The following MRPL1 variants were observed in gnomAD, a reference collection of about 807,000 sequenced individuals.
MRPL1 encodes large ribosomal subunit protein uL1m.
MRPL1 carries 28 observed loss-of-function variants against 38.0 expected under a neutral mutation model. The ratio of observed to expected loss-of-function variants is 0.74; its 90% CI spans 0.55 to 1.01. The LOEUF (loss-of-function observed/expected upper bound fraction) is 1.01. MRPL1 is among the 50% of genes least tolerant of loss of function. The pLI, the probability that MRPL1 is intolerant of heterozygous loss-of-function variation, is 0.00. For synonymous variants in MRPL1, 123 were observed against 126.7 expected, an observed-to-expected ratio of 0.97 and a Z score of 0.20; for missense variants, 358 against 389.8, an observed-to-expected ratio of 0.92 and a Z score of 0.69.
chr4:77,939,849 T>G (rs1737076072), intron 7 of MRPL1, among the ~76,000 whole-genome samples: 1 of 152,212 alleles, frequency 6.6e-6, no homozygotes, highest in African/African-American at 2.4e-5. Flanking sequence ...ATGAATTGGC[T>G]GTAAGTATTT....
At chr4:77,875,166 C>G (rs930509949) in intron 2 of MRPL1, among the ~76,000 whole-genome samples, 2 of 152,044 alleles carry the variant, frequency 1.3e-5, no homozygotes, top group African/African-American at 4.8e-5. Context: ...GTAGAAGCTT[C>G]TCTATATATT....
intron 7 of MRPL1, among the ~76,000 whole-genome samples, chr4:77,934,168 G>A (rs1736910606): frequency 6.6e-6 from 1 of 152,128 alleles, no homozygotes; most frequent in Non-Finnish European, 1.5e-5. Context: ...GACACCAAAA[G>A]CACAGACAAC....
At chr4:77,901,232 C>G (rs1040610443) in intron 6 of MRPL1, among the ~76,000 whole-genome samples, 1 of 151,912 alleles carries the variant, frequency 6.6e-6, no homozygotes, top group East Asian at 1.9e-4. Flanking sequence ...ATTGTGCTCC[C>G]TAGAGCAAGT....
At chr4:77,922,504 G>A (rs2110254872) in intron 7 of MRPL1, among the ~76,000 whole-genome samples, 1 of 152,338 alleles carries the variant, frequency 6.6e-6, no homozygotes, top group Middle Eastern at 3.4e-3. Context: ...TGCTGTATTG[G>A]CAGTAGACTG....
chr4:77,873,056 T>C (rs1347585192), intron 2 of MRPL1, among the ~76,000 whole-genome samples: 1 of 152,098 alleles, frequency 6.6e-6, no homozygotes, highest in Non-Finnish European at 1.5e-5. Context: ...ATAAGATATA[T>C]GTAAAGGAAT....
rs773575311 is a variant in MRPL1, at chr4:77,883,518, A to C, written c.402+18A>C. On this transcript the variant is annotated intron_variant, in intron 3 of 8. Transcript: ENST00000315567. ...GAAAGAAGGTATGTAGAGTCCATTAAAATAAGTTTACCTGTGAACAGTGGC... is the reference window on the plus strand; with the variant it reads ...GAAAGAAGGTATGTAGAGTCCATTACAATAAGTTTACCTGTGAACAGTGGC... 1 of 1,573,148 alleles carries C rather than the reference A, an allele frequency of 6.4e-7. No homozygotes were observed. The highest frequency in any genetic ancestry group is 1.9e-5 in the Admixed American group (1 of 52,352).
intron 6 of MRPL1, among the ~76,000 whole-genome samples, chr4:77,908,845 A>G (rs956686291): frequency 6.6e-6 from 1 of 152,166 alleles, no homozygotes; most frequent in African/African-American, 2.4e-5. Context: ...GCAGACTTAC[A>G]CAGTTGGCAG....
chr4:77,869,348 G>A (rs1735225116), intron 1 of MRPL1, among the ~76,000 whole-genome samples: 1 of 152,142 alleles, frequency 6.6e-6, no homozygotes, highest in Non-Finnish European at 1.5e-5. Flanking sequence ...AGCAAGTGAG[G>A]TTATATGCTA....
chr4:77,894,572 T>G (rs1319803095), intron 6 of MRPL1, among the ~76,000 whole-genome samples: 3 of 152,126 alleles, frequency 2.0e-5, no homozygotes, highest in Non-Finnish European at 4.4e-5. Context: ...TCCCTGTTTA[T>G]CAATATAATA....
At chr4:77,881,112 T>C (rs1229324644) in intron 2 of MRPL1, among the ~76,000 whole-genome samples, 2 of 152,228 alleles carry the variant, frequency 1.3e-5, no homozygotes, top group Non-Finnish European at 2.9e-5. Context: ...TTTGCTTTAT[T>C]CTGTCAGCCA....
intron 7 of MRPL1, among the ~76,000 whole-genome samples, chr4:77,923,063 T>TA (rs1444450399): frequency 6.6e-6 from 1 of 152,190 alleles, no homozygotes; most frequent in Admixed American, 6.6e-5. Context: ...AGAGGTTTGA[T>TA]ATTTAGCAGA....
At chr4:77,871,478 G>A (rs1007820972) in intron 1 of MRPL1, among the ~76,000 whole-genome samples, 4 of 151,916 alleles carry the variant, frequency 2.6e-5, no homozygotes, top group Non-Finnish European at 5.9e-5. Context: ...CTAATCTTTT[G>A]TATTTTTAGT....
intron 2 of MRPL1, among the ~76,000 whole-genome samples, chr4:77,872,573 A>T (rs1197802187): frequency 1.3e-5 from 2 of 152,154 alleles, no homozygotes; most frequent in East Asian, 3.9e-4. Flanking sequence ...GTCTACTAAA[A>T]ATACAAAATT....
chr4:77,921,955 G>T (rs1040674695), intron 7 of MRPL1, among the ~76,000 whole-genome samples: 1 of 151,962 alleles, frequency 6.6e-6, no homozygotes, highest in African/African-American at 2.4e-5. Flanking sequence ...AATAGTTATT[G>T]GGTACCTACT....
At chr4:77,864,000 GTTTTT>G (rs34560176) in intron 1 of MRPL1, among the ~76,000 whole-genome samples, 4 of 125,884 alleles carry the variant, frequency 3.2e-5, no homozygotes, top group Admixed American at 8.3e-5. Context: ...CTGCATCACA[GTTTTT>G]TTTTTTTTTT....
At chr4:77,933,186 T>G (rs1193500899) in intron 7 of MRPL1, among the ~76,000 whole-genome samples, 1 of 152,120 alleles carries the variant, frequency 6.6e-6, no homozygotes, top group Non-Finnish European at 1.5e-5. Context: ...TCTCAAGTGA[T>G]CCTCCAGCCT....
At chr4:77,950,431 C>T (rs1419872578) in intron 8 of MRPL1, among the ~76,000 whole-genome samples, 1 of 152,146 alleles carries the variant, frequency 6.6e-6, no homozygotes, top group African/African-American at 2.4e-5. Flanking sequence ...TTTATCATTG[C>T]GTTGTGTGCT....
At chr4:77,902,610 A>T (rs1028194597) in intron 6 of MRPL1, among the ~76,000 whole-genome samples, 5 of 152,172 alleles carry the variant, frequency 3.3e-5, no homozygotes, top group African/African-American at 1.2e-4. Flanking sequence ...AAAGCTGATA[A>T]AACTTTAGCT....
intron 7 of MRPL1, among the ~76,000 whole-genome samples, chr4:77,923,765 G>A (rs1001636299): frequency 3.9e-5 from 6 of 151,904 alleles, no homozygotes; most frequent in South Asian, 2.1e-4. Context: ...GTGAAATCCC[G>A]TCTCTACCAA....
Sources: gnomAD v4.1 joint callset for allele counts (sites outside exome capture counted in the v4.1 genomes callset) on GRCh38, gnomAD v4.1.1 for gene constraint, MANE v1.5 for transcripts, NCBI Gene and HGNC (gene_info 2026-07-23, HGNC 2026-07-21) for gene names.